STOX2: variants seen among roughly 807,000 people sequenced by gnomAD.
STOX2 encodes the protein storkhead-box protein 2.
Under a neutral mutation model 60.9 loss-of-function variants are expected in STOX2, and 28 were observed. That is an observed-to-expected ratio of 0.46 (90% CI 0.34 to 0.63). The LOEUF is 0.63. Among genes scored for constraint, STOX2 ranks in the 30% least tolerant of loss-of-function variants. The probability of loss-of-function intolerance (pLI) is 0.01; values close to 1 mark genes in which losing one functional copy is unlikely to be tolerated. For synonymous variants in STOX2, 472 were observed against 463.9 expected (o/e 1.02, Z -0.22); for missense variants, 1,024 against 1,187.7 (o/e 0.86, Z 2.03).
chr4:183,798,280 G>T (rs1257654827), intron 1 of STOX2, among the ~76,000 whole-genome samples: 1 of 151,030 alleles, frequency 6.6e-6, no homozygotes, highest in African/African-American at 2.4e-5. Flanking sequence ...CCGGTGCGCC[G>T]CCCCCGCCTG....
Position 184,017,199 on chromosome 4 carries a change from G to A in STOX2, c.2696G>A (p.Arg899Gln), listed in dbSNP as rs746138201. ...HGGAGPAFNFRASAEPPTNEA... is the reference protein window; with the variant it reads ...HGGAGPAFNFQASAEPPTNEA... The stretch of plus-strand genomic sequence containing the variant: ...GGAGCTGGTCCAGCCTTCAACTTCC[G>A]AGCGAGCGCGGAGCCCCCGACAAAT... Residue 899 changes from arginine (R) to glutamine (Q), a missense_variant, in exon 4 of 4, where the codon CGA (arginine) becomes CAA (glutamine). This residue lies in a region of STOX2 where 922 missense variants were observed against 1,058.3 expected (regional missense o/e 0.87). Transcript: ENST00000308497. 25 of 1,612,592 alleles carry A rather than the reference G, an allele frequency of 1.6e-5. 1 individual carries two copies. The East Asian group carries it at 1.8e-4, about 12-fold the overall frequency.
intron 1 of STOX2, among the ~76,000 whole-genome samples, chr4:183,859,706 A>G (rs552722762): frequency 6.6e-6 from 1 of 152,354 alleles, no homozygotes; most frequent in South Asian, 2.1e-4. Flanking sequence ...AACCAAGATA[A>G]ATTTCTGTAT....
At chr4:183,926,242 T>C (rs1245253998) in intron 1 of STOX2, among the ~76,000 whole-genome samples, 3 of 151,554 alleles carry the variant, frequency 2.0e-5, no homozygotes. Context: ...ATTAAGAAAA[T>C]AAGATAAGGG....
intron 1 of STOX2, among the ~76,000 whole-genome samples, chr4:183,814,304 C>CTTT (rs1359317849): frequency 2.6e-5 from 4 of 152,094 alleles, no homozygotes; most frequent in Admixed American, 2.6e-4. Flanking sequence ...CAAATTAGAA[C>CTTT]AGAATCTTAA....
At chr4:183,801,954 G>A (rs953532913) in intron 1 of STOX2, among the ~76,000 whole-genome samples, 3 of 152,362 alleles carry the variant, frequency 2.0e-5, no homozygotes, top group East Asian at 3.9e-4. Flanking sequence ...GAAATGCCAA[G>A]TGCTTCTTTA....
chr4:184,001,290 A>T lies in STOX2; in HGVS notation c.167-35A>T. 1 of 1,609,340 alleles carries T rather than the reference A, an allele frequency of 6.2e-7. No homozygotes were observed. The highest frequency in any genetic ancestry group is 8.5e-7 in the Non-Finnish European group (1 of 1,176,294). ...TGTCTGACAGATGACCGGGTCTTTT[A>T]ATGAACCACTCACTTGAAAATTGTC... On this transcript the variant is annotated intron_variant, in intron 1 of 3. Coordinates refer to ENST00000308497, the MANE Select transcript of STOX2 (RefSeq NM_020225.3). This position sits in a 1 kb window ranked among gnomAD's most constrained non-coding sequence, Gnocchi z 4.2.
chr4:184,012,654 G>C (rs748754427), intron 3 of STOX2, among the ~76,000 whole-genome samples: 95 of 152,152 alleles, frequency 6.2e-4, no homozygotes, highest in Admixed American at 1.3e-3. Flanking sequence ...TAACACGTGT[G>C]TGGAAGTCTA....
chr4:183,979,202 C>A (rs1276778277), intron 1 of STOX2, among the ~76,000 whole-genome samples: 1 of 152,042 alleles, frequency 6.6e-6, no homozygotes, highest in Non-Finnish European at 1.5e-5. Flanking sequence ...TGTTGGATGG[C>A]CAGAGCAGGA....
At chr4:183,801,944 G>A (rs1379870111) in intron 1 of STOX2, among the ~76,000 whole-genome samples, 1 of 152,234 alleles carries the variant, frequency 6.6e-6, no homozygotes, top group Non-Finnish European at 1.5e-5. Context: ...AACAGAGGGA[G>A]AAATGCCAAG....
chr4:183,993,580 A>C (rs2111209497), intron 1 of STOX2, among the ~76,000 whole-genome samples: 1 of 152,152 alleles, frequency 6.6e-6, no homozygotes, highest in South Asian at 2.1e-4. Context: ...ATACCCATTA[A>C]GTGTTGAAGT....
intron 1 of STOX2, among the ~76,000 whole-genome samples, chr4:183,842,187 C>T (rs1435434096): frequency 1.3e-5 from 2 of 152,230 alleles, no homozygotes; most frequent in Non-Finnish European, 2.9e-5. Context: ...CCCAGGCATT[C>T]AGCAAAACTC....
rs1734528988 is a variant in STOX2 at position 184,020,231 on chromosome 4, T to G, written c.*2947T>G. The G allele has an allele frequency of 6.6e-6, 1 of 152,198 alleles. No individual in the cohort carries two copies. Among genetic ancestry groups the G allele is most frequent in the Non-Finnish European group, 1.5e-5 (1 of 68,052 alleles). The allele number at this position is 152,198 out of a possible 1,614,324, so 9.4% of individuals were successfully genotyped here. ...GTCAGTGATTGCCTCTGTGGACTCA[T>G]GACTTTCCATCGCCATGGCTTTCTC... On this transcript the variant is annotated 3_prime_UTR_variant, in exon 4 of 4. Coordinates refer to ENST00000308497, the MANE Select transcript of STOX2 (RefSeq NM_020225.3).
chr4:183,948,678 C>G (rs1039066033), intron 1 of STOX2, among the ~76,000 whole-genome samples: 9 of 150,494 alleles, frequency 6.0e-5, no homozygotes, highest in African/African-American at 2.2e-4. Flanking sequence ...ATTACAGGCA[C>G]CCACCACCAC....
chr4:183,833,965 G>C (rs1739638269), intron 1 of STOX2, among the ~76,000 whole-genome samples: 1 of 133,032 alleles, frequency 7.5e-6, no homozygotes, highest in South Asian at 2.4e-4. Flanking sequence ...CTGGGCGACA[G>C]AGTGAGACTC....
intron 1 of STOX2, among the ~76,000 whole-genome samples, chr4:183,946,408 GA>G (rs1490286589): frequency 3.3e-5 from 5 of 152,116 alleles, no homozygotes; most frequent in Non-Finnish European, 7.3e-5. Context: ...TGTCCATGAG[GA>G]GGGGGGGTTG....
intron 1 of STOX2, among the ~76,000 whole-genome samples, chr4:183,983,244 C>T (rs1732721525): frequency 1.3e-5 from 2 of 152,186 alleles, no homozygotes; most frequent in Admixed American, 1.3e-4. Context: ...CTCTCAGTTC[C>T]CTCCATGCTT....
intron 1 of STOX2, among the ~76,000 whole-genome samples, chr4:183,919,306 G>A (rs1019708435): frequency 3.9e-5 from 6 of 152,206 alleles, no homozygotes; most frequent in South Asian, 2.1e-4. Flanking sequence ...GGTTTCCATC[G>A]TGAGATGCAG....
intron 1 of STOX2, among the ~76,000 whole-genome samples, chr4:183,928,331 A>C (rs1295578631): frequency 6.6e-6 from 1 of 152,206 alleles, no homozygotes; most frequent in Admixed American, 6.5e-5. Flanking sequence ...AGAAGATAAT[A>C]AACTGTTGGA....
chr4:183,963,665 A>T, intron 1 of STOX2, among the ~76,000 whole-genome samples: 1 of 151,788 alleles, frequency 6.6e-6, no homozygotes, highest in East Asian at 1.9e-4. Flanking sequence ...ACCTCAGGTG[A>T]TCCGCCTGCC....
Sources: gnomAD v4.1 joint callset for allele counts (sites outside exome capture counted in the v4.1 genomes callset) on GRCh38, gnomAD v4.1.1 for gene constraint, gnomAD v4.1.1 regional missense constraint, Gnocchi (gnomAD v3.1) non-coding constraint, MANE v1.5 for transcripts, NCBI Gene and HGNC (gene_info 2026-07-23, HGNC 2026-07-21) for gene names.